The following SNX31 variants were observed in gnomAD, a reference collection of about 807,000 sequenced individuals.
SNX31 encodes sorting nexin 31.
Under a neutral mutation model 65.4 loss-of-function variants are expected in SNX31, and 58 were observed. The observed-to-expected ratio is 0.89, with a 90% CI of 0.72 to 1.10. The LOEUF (loss-of-function observed/expected upper bound fraction) is 1.10. Ranked by LOEUF, SNX31 falls within the 50% of genes least tolerant of loss-of-function variation. The pLI is 0.00. For missense variants in SNX31, 523 were observed against 529.7 expected (o/e 0.99, Z 0.12); for synonymous variants, 181 against 190.1 (o/e 0.95, Z 0.39).
At position 100,613,814 on chromosome 8, in the gene SNX31, A is replaced by C. The variant is rs1328573059; in HGVS notation, c.433-729T>G. Reference sequence around the variant, plus strand: ...CTCCCTTAGCAGAAAATTCTACACGACCACAGGCTTCCTCCCTGCCATCTG... The same window carrying C: ...CTCCCTTAGCAGAAAATTCTACACGCCCACAGGCTTCCTCCCTGCCATCTG... On this transcript the variant is annotated intron_variant, in intron 5 of 13. Coordinates refer to ENST00000311812, the MANE Select transcript of SNX31 (RefSeq NM_152628.4). This position sits in a 1 kb window ranked among gnomAD's most constrained non-coding sequence, Gnocchi z 5.2. Among the ~76,000 whole-genome samples the C allele has an allele frequency of 2.0e-5, 3 of 152,070 alleles. No individual in the cohort carries two copies. The highest frequency in any genetic ancestry group is 7.2e-5 in the African/African-American group (3 of 41,386).
rs1050394540 is a variant in SNX31 at position 100,622,814 on chromosome 8, A to G, written c.322-5084T>C. Among the ~76,000 whole-genome samples, 4 of 152,068 alleles carry G rather than the reference A, an allele frequency of 2.6e-5. No individual in the cohort carries two copies. The highest frequency in any genetic ancestry group is 4.4e-5 in the Non-Finnish European group (3 of 68,030). On this transcript the variant is annotated intron_variant, in intron 4 of 13. Coordinates refer to ENST00000311812, the MANE Select transcript of SNX31 (RefSeq NM_152628.4). This position sits in a 1 kb window ranked among gnomAD's most constrained non-coding sequence, Gnocchi z 5.0. ...TATGTAAGAAGAGAATATTAAGGCT[A>G]AAGCCTCCAATGTTTTGTTTGATGT... is the stretch of plus-strand genomic sequence containing the variant.
chr8:100,633,133 T>A (rs1317129595), intron 3 of SNX31, among the ~76,000 whole-genome samples: 1 of 151,938 alleles, frequency 6.6e-6, no homozygotes, highest in African/African-American at 2.4e-5. Context: ...CTTGTTATAT[T>A]GCCCAGGCTG....
At chr8:100,591,820 C>A (rs1230404787) in intron 10 of SNX31, among the ~76,000 whole-genome samples, 1 of 152,120 alleles carries the variant, frequency 6.6e-6, no homozygotes, top group African/African-American at 2.4e-5. Flanking sequence ...CAGAGTGAGA[C>A]CCTGCCTCTT....
rs767158251 is a variant in SNX31 at position 100,584,194 on chromosome 8, A to G, written c.1093-6T>C. 60 of 1,591,106 alleles carry G rather than the reference A, an allele frequency of 3.8e-5. No individual in the cohort carries two copies. Among genetic ancestry groups the G allele is most frequent in the Non-Finnish European group, 4.6e-5 (54 of 1,171,208 alleles). ...CAGCTACTCAGCAAAAAAGCCTAAG[A>G]AATGCAGGAATAAAGAACTCTTGTA... is the stretch of plus-strand genomic sequence containing the variant. On this transcript the variant is annotated splice_region_variant and splice_polypyrimidine_tract_variant and intron_variant, in intron 11 of 13. Transcript: ENST00000311812.
intron 9 of SNX31, among the ~76,000 whole-genome samples, chr8:100,598,416 A>C (rs1586898871): frequency 6.6e-6 from 1 of 152,186 alleles, no homozygotes; most frequent in Non-Finnish European, 1.5e-5. Flanking sequence ...ATAATTGTTT[A>C]TCTTATTGTT....
At chr8:100,583,743 C>T (rs1453922562) in intron 12 of SNX31, among the ~76,000 whole-genome samples, 2 of 152,166 alleles carry the variant, frequency 1.3e-5, no homozygotes, top group Admixed American at 6.5e-5. Flanking sequence ...ATAAGATCAT[C>T]CCCACTGTGT....
upstream of SNX31, among the ~76,000 whole-genome samples, chr8:100,650,189 T>A (rs1453044826): frequency 6.6e-6 from 1 of 152,238 alleles, no homozygotes; most frequent in Admixed American, 6.5e-5. Context: ...CAACAGTCTC[T>A]CATTTTTAGT....
At chr8:100,581,325 C>CTATATATATATATATCTA (rs1401988460) in intron 12 of SNX31, among the ~76,000 whole-genome samples, 2 of 129,360 alleles carry the variant, frequency 1.5e-5, no homozygotes, top group African/African-American at 6.9e-5. Context: ...ATATCTATAT[C>CTATATATATATATATCTA]TATCTATCTA....
At chr8:100,607,777 T>TTA (rs976121347) in intron 8 of SNX31, among the ~76,000 whole-genome samples, 5 of 152,178 alleles carry the variant, frequency 3.3e-5, no homozygotes, top group African/African-American at 1.2e-4. Flanking sequence ...CCCATAAATA[T>TTA]TATATATATA....
At position 100,609,404 on chromosome 8, in the gene SNX31, C is replaced by T. The variant is rs1195080511; in HGVS notation, c.612-841G>A. 1.3e-5 allele frequency among the ~76,000 whole-genome samples: 2 copies of T among 152,188 alleles called. No homozygotes were observed. Among genetic ancestry groups the T allele is most frequent in the Non-Finnish European group, 2.9e-5 (2 of 68,036 alleles). ...CCACTCTGATTAAGTTTTCTTGACA[C>T]CATCTGTGAAGAACCCCAAGGCCAG... On this transcript the variant is annotated intron_variant, in intron 7 of 13. Transcript: ENST00000311812. The surrounding 1 kb of genome is among the most constrained non-coding windows in gnomAD (Gnocchi z 4.9).
In SNX31 at chr8:100,630,328, A is replaced by G. The variant is rs1818328642; in HGVS notation, c.320T>C (p.Leu107Pro). The G allele has an allele frequency of 6.2e-7, 1 of 1,613,356 alleles. No homozygotes were observed. Among genetic ancestry groups the G allele is most frequent in the African/African-American group, 1.3e-5 (1 of 74,900 alleles). The change falls in exon 4 of 14, where the codon CTG becomes CCG. Residue 107 changes from leucine (L) to proline (P), a missense_variant and splice_region_variant. By Grantham distance (98) the Leu-to-Pro change is moderately conservative. Transcript: ENST00000311812. The surrounding 1 kb of genome is among the most constrained non-coding windows in gnomAD (Gnocchi z 5.3). The stretch of plus-strand genomic sequence containing the variant: ...CCCATTAAAGAAGAGCAAGCTTACC[A>G]GCTGCGCCAGTTTTAAAAACTCAAC... ...VFVEFLKLAQ[L>P]NTFDIATKKA... is the part of the protein sequence containing the mutation.
At position 100,649,499 on chromosome 8, in the gene SNX31, A is replaced by T. The variant is rs761749883; in HGVS notation, c.16T>A (p.Cys6Ser). MKMHF[C>S]IPVSQQRSDA... is the part of the protein sequence containing the mutation. ...GACCGCTGCTGGGACACCGGGATAC[A>T]GAAATGCATCTTCATGGCTGAGCGG... Residue 6 changes from cysteine to serine, a missense_variant, in exon 1 of 14, where the codon TGT becomes AGT. Cys to Ser is a moderately radical substitution (Grantham distance 112). Transcript: ENST00000311812. The T allele has an allele frequency of 5.1e-6, 8 of 1,576,254 alleles. No homozygotes were observed. Among genetic ancestry groups the T allele is most frequent in the African/African-American group, 1.3e-5 (1 of 74,336 alleles).
At chr8:100,579,546 C>T (rs1433235683) in intron 12 of SNX31, among the ~76,000 whole-genome samples, 4 of 152,214 alleles carry the variant, frequency 2.6e-5, no homozygotes, top group Non-Finnish European at 5.9e-5. Flanking sequence ...ATTGGACCAG[C>T]TCTTCAAAAG....
chr8:100,660,393 ATTAT>A lies in SNX31; in HGVS notation c.-58+2745_-58+2748del, dbSNP rs1469714146. On this transcript the variant is annotated intron_variant, in intron 1 of 5. Coordinates refer to the SNX31 transcript ENST00000520352. The surrounding 1 kb of genome is among the most constrained non-coding windows in gnomAD (Gnocchi z 4.1). ...GCCTAAACTCTTTGCAGCAATTTTT[ATTAT>A]TTATTTTAAATTTACTTCATTTGAG... is the stretch of plus-strand genomic sequence containing the variant. 6.6e-6 allele frequency among the ~76,000 whole-genome samples: 1 copy of A among 152,204 alleles called. No homozygotes were observed. Among genetic ancestry groups the A allele is most frequent in the Non-Finnish European group, 1.5e-5 (1 of 68,030 alleles).
chr8:100,617,978 C>A, intron 4 of SNX31: 1 of 603,644 alleles, frequency 1.7e-6, no homozygotes, highest in South Asian at 7.3e-5. Flanking sequence ...GTTGGCCAGG[C>A]TGGTCTCAAA....
intron 8 of SNX31, among the ~76,000 whole-genome samples, chr8:100,605,946 C>T (rs1816114993): frequency 6.6e-6 from 1 of 152,064 alleles, no homozygotes. Flanking sequence ...AAAAATGTAT[C>T]ATAATAGCAA....
rs1817022400 is a variant in SNX31 at position 100,614,719 on chromosome 8, A to C, written c.433-1634T>G. Among the ~76,000 whole-genome samples the C allele has an allele frequency of 1.3e-5, 2 of 152,184 alleles. No individual in the cohort carries two copies. Among genetic ancestry groups the C allele is most frequent in the Non-Finnish European group, 2.9e-5 (2 of 68,026 alleles). On this transcript the variant is annotated intron_variant, in intron 5 of 13. Transcript: ENST00000311812. This position sits in a 1 kb window ranked among gnomAD's most constrained non-coding sequence, Gnocchi z 5.1. ...GTGAAACCCCATCTCTACTTAAAAA[A>C]AAATACAAAAATTAGCTGGGTATGG...
Position 100,622,387 on chromosome 8 carries a change from G to T in SNX31, c.322-4657C>A, listed in dbSNP as rs529683378. Among the ~76,000 whole-genome samples the T allele has an allele frequency of 6.6e-6, 1 of 152,146 alleles. No individual in the cohort carries two copies. The highest frequency in any genetic ancestry group is 1.5e-5 in the Non-Finnish European group (1 of 68,028). On this transcript the variant is annotated intron_variant, in intron 4 of 13. Coordinates refer to ENST00000311812, the MANE Select transcript of SNX31 (RefSeq NM_152628.4). This position sits in a 1 kb window ranked among gnomAD's most constrained non-coding sequence, Gnocchi z 5.0. ...GCATTTTCCAGGTGTGGTGGCTCAC[G>T]CCTGGAATCCCAGCACTTTGGGACC...
chr8:100,584,801 T>A (rs1283003183), intron 11 of SNX31, among the ~76,000 whole-genome samples: 1 of 150,196 alleles, frequency 6.7e-6, no homozygotes, highest in East Asian at 1.9e-4. Flanking sequence ...CAGGCTGGAG[T>A]GCTGTGGCTG....
Sources: gnomAD v4.1 joint callset for allele counts (sites outside exome capture counted in the v4.1 genomes callset) on GRCh38, gnomAD v4.1.1 for gene constraint, Gnocchi (gnomAD v3.1) non-coding constraint, MANE v1.5 for transcripts, NCBI Gene and HGNC (gene_info 2026-07-23, HGNC 2026-07-21) for gene names.